Variants in NCKAP5 observed in about 807,000 individuals in gnomAD.
NCKAP5 encodes the protein nck-associated protein 5.
NCKAP5 carries 92 observed loss-of-function variants against 167.0 expected under a neutral mutation model. The ratio of observed to expected loss-of-function variants is 0.55; its 90% CI spans 0.47 to 0.66. NCKAP5 has a LOEUF of 0.66. NCKAP5 is among the 30% of genes least tolerant of loss of function. NCKAP5 has a pLI of 0.00. For synonymous variants in NCKAP5, 891 were observed against 877.4 expected (o/e 1.02, Z -0.27); for missense variants, 2,378 against 2,315.0 (o/e 1.03, Z -0.56).
At chr2:133,090,224 A>G (rs2081127505) in intron 6 of NCKAP5, among the ~76,000 whole-genome samples, 1 of 151,830 alleles carries the variant, frequency 6.6e-6, no homozygotes, top group Admixed American at 6.6e-5. Context: ...AAAAAAAAAA[A>G]AAAAGAAAAG....
chr2:133,558,584 C>T (rs1687916286), intron 2 of NCKAP5, among the ~76,000 whole-genome samples: 1 of 150,888 alleles, frequency 6.6e-6, no homozygotes, highest in Non-Finnish European at 1.5e-5. Flanking sequence ...CCTGCTTCTA[C>T]TCTACTTCAA....
chr2:133,338,576 T>C (rs1292534440), intron 3 of NCKAP5, among the ~76,000 whole-genome samples: 2 of 152,244 alleles, frequency 1.3e-5, no homozygotes, highest in Non-Finnish European at 2.9e-5. Flanking sequence ...AAGACAGGCA[T>C]AGCTGATTTG....
intron 5 of NCKAP5, among the ~76,000 whole-genome samples, chr2:133,142,890 A>G (rs2083052162): frequency 6.6e-6 from 1 of 152,172 alleles, no homozygotes; most frequent in Non-Finnish European, 1.5e-5. Flanking sequence ...TGGACCAGTT[A>G]GATTTATATG....
intron 3 of NCKAP5, among the ~76,000 whole-genome samples, chr2:133,439,122 G>A (rs1294630708): frequency 6.6e-6 from 1 of 152,222 alleles, no homozygotes; most frequent in Non-Finnish European, 1.5e-5. Flanking sequence ...GAAATTCAGA[G>A]TGAGCTGCTG....
intron 11 of NCKAP5, 140 bp downstream of exon 11, chr2:132,860,352 G>C: frequency 1.0e-6 from 1 of 1,001,208 alleles, no homozygotes; most frequent in South Asian, 1.8e-5. Flanking sequence ...CAAATTTAAT[G>C]ACATAACTTG....
the NCKAP5 span, among the ~76,000 whole-genome samples, chr2:133,671,489 T>A: frequency 2.4e-4 from 37 of 152,162 alleles, no homozygotes; most frequent in South Asian, 7.5e-3. Context: ...GTTAATGGAT[T>A]AATGGGTTAT....
At chr2:132,970,268 A>G (rs1318374072) in intron 7 of NCKAP5, among the ~76,000 whole-genome samples, 1 of 152,214 alleles carries the variant, frequency 6.6e-6, no homozygotes, top group Non-Finnish European at 1.5e-5. Flanking sequence ...CCAATTAAGA[A>G]TCTGAGATAT....
chr2:132,725,827 G>A lies in NCKAP5; in HGVS notation c.5581-68C>T, dbSNP rs1311462081. 9.9e-6 allele frequency: 15 copies of A among 1,514,496 alleles called. No homozygotes were observed. The South Asian group carries it at 1.2e-4, about 12-fold the overall frequency. 93.8% of individuals were successfully genotyped at this position (1,514,496 alleles called of 1,614,324 possible). The stretch of plus-strand genomic sequence containing the variant: ...CAAAATGAGGCAGAGCATCCTGTGA[G>A]GATGCGACACAGTTCACATCTGGCT... On this transcript the variant is annotated intron_variant, in intron 18 of 19. Coordinates refer to ENST00000409261, the MANE Select transcript of NCKAP5 (RefSeq NM_207363.3).
At chr2:133,255,258 C>T (rs2088558120) in intron 4 of NCKAP5, among the ~76,000 whole-genome samples, 1 of 152,176 alleles carries the variant, frequency 6.6e-6, no homozygotes, top group Non-Finnish European at 1.5e-5. Context: ...ATTTTCCTGC[C>T]TCCTTCCAGG....
At chr2:132,890,404 G>GA (rs11354482) in intron 8 of NCKAP5, among the ~76,000 whole-genome samples, 3 of 151,770 alleles carry the variant, frequency 2.0e-5, no homozygotes, top group South Asian at 4.2e-4. Flanking sequence ...CCACCATAAA[G>GA]AAAAAAAATA....
At chr2:133,251,321 G>T (rs1168126825) in intron 4 of NCKAP5, among the ~76,000 whole-genome samples, 1 of 152,156 alleles carries the variant, frequency 6.6e-6, no homozygotes, top group Non-Finnish European at 1.5e-5. Flanking sequence ...CACAGTGAGG[G>T]ATGCCTGTAT....
intron 3 of NCKAP5, among the ~76,000 whole-genome samples, chr2:133,495,970 A>G (rs1362313936): frequency 6.6e-6 from 1 of 152,206 alleles, no homozygotes; most frequent in Non-Finnish European, 1.5e-5. Context: ...AGGAGCATGC[A>G]CAAAATCTGA....
chr2:133,121,538 C>T (rs1332381308), intron 6 of NCKAP5, among the ~76,000 whole-genome samples: 1 of 152,124 alleles, frequency 6.6e-6, no homozygotes, highest in Non-Finnish European at 1.5e-5. Context: ...TTAAGCCAGA[C>T]ATTTATTTAT....
chr2:133,612,808 A>T, the NCKAP5 span, among the ~76,000 whole-genome samples: 1 of 152,306 alleles, frequency 6.6e-6, no homozygotes, highest in East Asian at 1.9e-4. Context: ...TGTCAACCTG[A>T]CCTTTAAGAC....
At chr2:133,157,850 A>C (rs2083630415) in intron 5 of NCKAP5, among the ~76,000 whole-genome samples, 2 of 152,204 alleles carry the variant, frequency 1.3e-5, no homozygotes, top group Non-Finnish European at 2.9e-5. Flanking sequence ...TAAAAAATCC[A>C]TGTAATCTAA....
rs143660395 is a variant in NCKAP5 at position 133,355,173 on chromosome 2, C to G, written c.70-52063G>C. 4.5e-4 allele frequency among the ~76,000 whole-genome samples: 68 copies of G among 152,268 alleles called. 1 individual carries two copies. In the East Asian group the frequency reaches 0.012, roughly 26 times the overall value. On this transcript the variant is annotated intron_variant, in intron 3 of 19. Coordinates refer to ENST00000409261, the MANE Select transcript of NCKAP5 (RefSeq NM_207363.3). ...GGCTTGGTTTGGTAACAGCCTGTTA[C>G]TTTACATGAGTGATTATAAGCCTAT...
At chr2:133,051,818 T>C (rs2079616322) in intron 6 of NCKAP5, among the ~76,000 whole-genome samples, 1 of 152,220 alleles carries the variant, frequency 6.6e-6, no homozygotes, top group Admixed American at 6.5e-5. Flanking sequence ...AGGCTCTCAA[T>C]ACATATATGT....
chr2:133,392,081 C>T (rs1687448910), intron 3 of NCKAP5, among the ~76,000 whole-genome samples: 1 of 152,214 alleles, frequency 6.6e-6, no homozygotes, highest in South Asian at 2.1e-4. Context: ...GTTGTATTGC[C>T]ATTAGTCTCA....
At chr2:133,381,748 C>A (rs891781376) in intron 3 of NCKAP5, among the ~76,000 whole-genome samples, 1 of 152,192 alleles carries the variant, frequency 6.6e-6, no homozygotes, top group African/African-American at 2.4e-5. Context: ...CCCCTAAAGC[C>A]ATAGCAGCCA....
Sources: allele counts gnomAD v4.1 joint callset (sites outside exome capture counted in the v4.1 genomes callset), GRCh38; gene constraint gnomAD v4.1.1; transcripts MANE v1.5; gene names NCBI Gene and HGNC (gene_info 2026-07-23, HGNC 2026-07-21).